The following SAMD4A variants were observed in gnomAD, a reference collection of about 807,000 sequenced individuals.
The protein encoded by SAMD4A is protein Smaug homolog 1.
Under a neutral mutation model 81.3 loss-of-function variants are expected in SAMD4A, and 33 were observed. The observed-to-expected ratio is 0.41, with a 90% CI of 0.31 to 0.54. SAMD4A has a LOEUF of 0.54. SAMD4A is among the 20% of genes least tolerant of loss of function. The probability of loss-of-function intolerance (pLI) is 0.37; values close to 1 mark genes in which losing one functional copy is unlikely to be tolerated. For synonymous variants in SAMD4A, 389 were observed against 382.1 expected (o/e 1.02, Z -0.21); for missense variants, 854 against 951.1 (o/e 0.90, Z 1.34).
intron 3 of SAMD4A, among the ~76,000 whole-genome samples, chr14:54,704,696 G>A (rs1409628269): frequency 3.3e-5 from 5 of 152,140 alleles, no homozygotes; most frequent in Non-Finnish European, 7.4e-5. Context: ...GGCAGGCATC[G>A]GAGCCCTCTT....
intron 2 of SAMD4A, chr14:54,681,757 T>C: frequency 1.0e-6 from 1 of 982,764 alleles, no homozygotes; most frequent in Non-Finnish European, 1.2e-6. Context: ...TTATTTTAAT[T>C]AGTTTTTTGA....
intron 3 of SAMD4A, among the ~76,000 whole-genome samples, chr14:54,729,993 G>A (rs2037520693): frequency 6.6e-6 from 1 of 152,276 alleles, no homozygotes; most frequent in Non-Finnish European, 1.5e-5. Context: ...ACCCAGTTTT[G>A]CCATTATAGA....
At chr14:54,630,890 A>C (rs932609790) in intron 2 of SAMD4A, among the ~76,000 whole-genome samples, 4 of 150,176 alleles carry the variant, frequency 2.7e-5, no homozygotes, top group African/African-American at 9.8e-5. Context: ...TACACATATA[A>C]TAAATCTTGT....
intron 2 of SAMD4A, among the ~76,000 whole-genome samples, chr14:54,576,129 C>T (rs1048217156): frequency 6.7e-6 from 1 of 148,768 alleles, no homozygotes; most frequent in East Asian, 2.0e-4. Context: ...CCCTACTTCC[C>T]CAGAGCACTC....
rs867345033 is a variant in SAMD4A at position 54,781,054 on chromosome 14, C to T, written c.2045-3483C>T. Among the ~76,000 whole-genome samples the T allele has an allele frequency of 1.9e-4, 29 of 152,190 alleles. No individual in the cohort carries two copies. The Middle Eastern group carries it at 0.014, about 71-fold the overall frequency. ...GTCCCACTGCTCTGTCCCTTTTTGT[C>T]TTCCCTGCTTTCTCTCCTCCTAGCA... is the stretch of plus-strand genomic sequence containing the variant. On this transcript the variant is annotated intron_variant, in intron 11 of 12. Transcript: ENST00000554335.
intron 2 of SAMD4A, among the ~76,000 whole-genome samples, chr14:54,596,246 G>A (rs377596058): frequency 1.6e-4 from 25 of 152,132 alleles, no homozygotes; most frequent in African/African-American, 5.6e-4. Flanking sequence ...AAGCATACCA[G>A]AAATAACAAC....
chr14:54,781,949 A>AT (rs2039008936), intron 11 of SAMD4A, among the ~76,000 whole-genome samples: 1 of 152,240 alleles, frequency 6.6e-6, no homozygotes, highest in Non-Finnish European at 1.5e-5. Flanking sequence ...GTGTGAACAT[A>AT]TGGGCTTCTC....
At chr14:54,734,560 G>A (rs1209817050) in intron 3 of SAMD4A, among the ~76,000 whole-genome samples, 1 of 152,142 alleles carries the variant, frequency 6.6e-6, no homozygotes, top group African/African-American at 2.4e-5. Context: ...TGAAGAAATG[G>A]GTGTGGGTTT....
chr14:54,707,967 T>A lies in SAMD4A; in HGVS notation c.715+5387T>A, dbSNP rs748598560. ...TCATTGCAAGGACTTGGACTTTTGCTGTCAATAAACCAGAAAGCTATTGGA... is the reference window on the plus strand; with the variant it reads ...TCATTGCAAGGACTTGGACTTTTGCAGTCAATAAACCAGAAAGCTATTGGA... On this transcript the variant is annotated intron_variant, in intron 3 of 12. Transcript: ENST00000554335. 2.0e-5 allele frequency among the ~76,000 whole-genome samples: 3 copies of A among 152,206 alleles called. No homozygotes were observed. The East Asian group carries it at 5.8e-4, about 29-fold the overall frequency.
intron 2 of SAMD4A, among the ~76,000 whole-genome samples, chr14:54,679,553 G>A (rs2036080210): frequency 6.6e-6 from 1 of 152,176 alleles, no homozygotes; most frequent in Admixed American, 6.5e-5. Context: ...TTAGTTTATA[G>A]GAGTGAAGGT....
chr14:54,759,572 T>C (rs1259063197), intron 6 of SAMD4A, among the ~76,000 whole-genome samples: 3 of 152,184 alleles, frequency 2.0e-5, no homozygotes, highest in African/African-American at 7.2e-5. Flanking sequence ...CTAAAGGCAA[T>C]GAGGCAGCCA....
chr14:54,578,663 G>A (rs2033377793), intron 2 of SAMD4A, among the ~76,000 whole-genome samples: 1 of 152,084 alleles, frequency 6.6e-6, no homozygotes, highest in Non-Finnish European at 1.5e-5. Flanking sequence ...AGTAAGCCGA[G>A]ATCGCACCAC....
intron 2 of SAMD4A, among the ~76,000 whole-genome samples, chr14:54,572,071 C>G (rs2033144987): frequency 6.6e-6 from 1 of 152,200 alleles, no homozygotes; most frequent in South Asian, 2.1e-4. Context: ...CAAACATTTT[C>G]TGACTGCCTG....
At position 54,740,190 on chromosome 14, in the gene SAMD4A, A is replaced by C. The variant is rs138279202; in HGVS notation, c.979+2903A>C. 5.7e-3 allele frequency among the ~76,000 whole-genome samples: 869 copies of C among 152,288 alleles called. 5 individuals carry two copies. Among genetic ancestry groups the C allele is most frequent in the African/African-American group, 0.019 (784 of 41,562 alleles). On this transcript the variant is annotated intron_variant, in intron 4 of 12. Coordinates refer to ENST00000554335, the MANE Select transcript of SAMD4A (RefSeq NM_015589.6). Reference sequence around the variant, plus strand: ...CTCCATCTCAAATAAAAACATAAAAAATAAAAATAAATAAATGAGATATAA... The same window carrying C: ...CTCCATCTCAAATAAAAACATAAAACATAAAAATAAATAAATGAGATATAA...
chr14:54,710,276 A>T (rs964781186), intron 3 of SAMD4A, among the ~76,000 whole-genome samples: 3 of 152,178 alleles, frequency 2.0e-5, no homozygotes, highest in Non-Finnish European at 4.4e-5. Context: ...GTACCATAGA[A>T]GATAAAAAGT....
At chr14:54,706,289 AAAAAAAAG>A (rs201938626) in intron 3 of SAMD4A, among the ~76,000 whole-genome samples, 4,377 of 148,736 alleles carry the variant, frequency 0.029, 123 homozygotes, top group East Asian at 0.11. Context: ...TCAAAAAAAA[AAAAAAAAG>A]AAGAAGAAGA....
chr14:54,707,737 C>G (rs2036894473), intron 3 of SAMD4A, among the ~76,000 whole-genome samples: 1 of 151,864 alleles, frequency 6.6e-6, no homozygotes. Flanking sequence ...TGGAAGTTAG[C>G]CAAGTGGGCA....
intron 2 of SAMD4A, among the ~76,000 whole-genome samples, chr14:54,664,512 A>G (rs893466135): frequency 8.5e-5 from 13 of 152,148 alleles, no homozygotes; most frequent in African/African-American, 2.7e-4. Flanking sequence ...ACACAGACCA[A>G]TTGAGGGAAA....
At chr14:54,620,682 G>T (rs990540570) in intron 2 of SAMD4A, among the ~76,000 whole-genome samples, 7 of 152,198 alleles carry the variant, frequency 4.6e-5, no homozygotes, top group Non-Finnish European at 1.0e-4. Context: ...AGGGACATGT[G>T]TTTGAAACTG....
Sources: gnomAD v4.1 joint callset for allele counts (sites outside exome capture counted in the v4.1 genomes callset) on GRCh38, gnomAD v4.1.1 for gene constraint, MANE v1.5 for transcripts, NCBI Gene and HGNC (gene_info 2026-07-23, HGNC 2026-07-21) for gene names.